Variants in VEGFB observed in about 807,000 individuals in gnomAD.
The protein encoded by VEGFB is VEGF-related factor.
VEGFB carries 24 observed loss-of-function variants against 22.5 expected under a neutral mutation model. The ratio of observed to expected loss-of-function variants is 1.07; its 90% CI spans 0.77 to 1.50. VEGFB has a LOEUF of 1.50. Ranked by LOEUF, VEGFB falls within the 40% of genes most tolerant of loss-of-function variation. The probability of loss-of-function intolerance (pLI) is 0.00; values close to 1 mark genes in which losing one functional copy is unlikely to be tolerated. For missense variants in VEGFB, 327 were observed against 287.8 expected (o/e 1.14, Z -0.99); for synonymous variants, 141 against 117.4 (o/e 1.20, Z -1.30).
At chr11:64,235,081 G>A (rs894616447) in intron 1 of VEGFB, among the ~76,000 whole-genome samples, 188 bp downstream of exon 1, 2 of 152,028 alleles carry the variant, frequency 1.3e-5, no homozygotes, top group Non-Finnish European at 2.9e-5. Context: ...GCCAGCCCCA[G>A]TCTGGGGCCA....
chr11:64,235,016 C>A, intron 1 of VEGFB, 123 bp downstream of exon 1: 3 of 809,362 alleles, frequency 3.7e-6, no homozygotes, highest in Non-Finnish European at 4.9e-6. Context: ...TGGACGCGGG[C>A]GTCTCGGGGG....
rs2030068919 is a variant in VEGFB at position 64,236,825 on chromosome 11, T to G, written c.375-362T>G. ...CGGGGGTAGTGGCTCACACCTATAA[T>G]CCCAGCACTTTGGGAGGCCCAGGCA... On this transcript the variant is annotated intron_variant, in intron 4 of 6. Transcript: ENST00000309422. 1.4e-5 allele frequency among the ~76,000 whole-genome samples: 2 copies of G among 144,332 alleles called. 1 individual carries two copies. Among genetic ancestry groups the G allele is most frequent in the African/African-American group, 5.1e-5 (2 of 39,498 alleles). 94.7% of individuals were successfully genotyped at this position (144,332 alleles called of 152,430 possible).
In VEGFB at chr11:64,238,352, T is replaced by C. The variant is rs1268944110; in HGVS notation, c.*23-4T>C. 6.5e-7 allele frequency: 1 copy of C among 1,536,068 alleles called. No individual in the cohort carries two copies. The highest frequency in any genetic ancestry group is 2.0e-5 in the Admixed American group (1 of 50,998). On this transcript the variant is annotated splice_polypyrimidine_tract_variant and splice_region_variant and intron_variant, in intron 6 of 6. Coordinates refer to ENST00000309422, the MANE Select transcript of VEGFB (RefSeq NM_003377.5). ...CATGAACAGATCACTTCCTCCCTCC[T>C]CAGGTGCCGGAAGCTGCGAAGGTGA...
At chr11:64,236,793 C>G (rs1441050343) in intron 4 of VEGFB, among the ~76,000 whole-genome samples, 1 of 138,482 alleles carries the variant, frequency 7.2e-6, no homozygotes, top group East Asian at 2.2e-4. Context: ...AAGTAGGATG[C>G]TTGGGCCGGG....
intron 1 of VEGFB, among the ~76,000 whole-genome samples, chr11:64,235,104 A>G (rs1290842678): frequency 6.6e-6 from 1 of 151,272 alleles, no homozygotes; most frequent in Admixed American, 6.6e-5. Flanking sequence ...CCTCCGCCCC[A>G]CCCCGTCCCC....
chr11:64,237,936 T>C, intron 6 of VEGFB: 2 of 498,752 alleles, frequency 4.0e-6, no homozygotes, highest in Non-Finnish European at 7.1e-6. Context: ...AGAGATCTCT[T>C]GGAGGAGGTG....
Position 64,238,381 on chromosome 11 carries a change from A to T in VEGFB, c.*48A>T, listed in dbSNP as rs1285891748. 6.5e-7 allele frequency: 1 copy of T among 1,536,036 alleles called. No homozygotes were observed. The highest frequency in any genetic ancestry group is 8.7e-7 in the Non-Finnish European group (1 of 1,146,872). ...GTGCCGGAAGCTGCGAAGGTGACAC[A>T]TGGCTTTTCAGACTCAGCAGGGTGA... On this transcript the variant is annotated 3_prime_UTR_variant, in exon 7 of 7. Coordinates refer to ENST00000309422, the MANE Select transcript of VEGFB (RefSeq NM_003377.5).
At chr11:64,235,562 C>A in intron 2 of VEGFB, 62 bp downstream of exon 2, 1 of 1,526,148 alleles carries the variant, frequency 6.6e-7, no homozygotes, top group South Asian at 1.1e-5. Flanking sequence ...GGCCCTGATT[C>A]CAGGTGTCCA....
intron 1 of VEGFB, among the ~76,000 whole-genome samples, 167 bp downstream of exon 1, chr11:64,235,060 C>G (rs1049377078): frequency 6.6e-6 from 1 of 151,774 alleles, no homozygotes; most frequent in Admixed American, 6.5e-5. Flanking sequence ...GGTGCCCCTC[C>G]CCGCTGGCCC....
Position 64,235,803 on chromosome 11 carries a change from C to A in VEGFB, c.104-10C>A, listed in dbSNP as rs775668259. 2.5e-5 allele frequency: 41 copies of A among 1,613,652 alleles called. No homozygotes were observed. Among genetic ancestry groups the A allele is most frequent in the Non-Finnish European group, 2.2e-5 (26 of 1,179,974 alleles). ...CAGTGAGGACTTAACCCCTACCGGTCTGCTCCCAGTGGTGTCATGGATAGA... is the reference window on the plus strand; with the variant it reads ...CAGTGAGGACTTAACCCCTACCGGTATGCTCCCAGTGGTGTCATGGATAGA... On this transcript the variant is annotated splice_polypyrimidine_tract_variant and intron_variant, in intron 2 of 6. Coordinates refer to ENST00000309422, the MANE Select transcript of VEGFB (RefSeq NM_003377.5).
chr11:64,238,228 C>T, intron 6 of VEGFB, 128 bp from the exon 7 acceptor site: 1 of 1,196,674 alleles, frequency 8.4e-7, no homozygotes, highest in South Asian at 1.4e-5. Flanking sequence ...CTGCAGCCTC[C>T]AGTGCCCAGG....
rs1390086012 is a variant in VEGFB, at chr11:64,236,259, C to G, written c.306C>G (p.Leu102=). ...TGTTCTTCTCCTGAGCACAGATCCT[C>G]ATGATCCGGTACCCGAGCAGTCAGC... ...TGQHQVRMQI[L]MIRYPSSQLG... The change falls in exon 4 of 7, where the codon CTC becomes CTG. Residue 102 remains leucine (L), a synonymous_variant. Coordinates refer to ENST00000309422, the MANE Select transcript of VEGFB (RefSeq NM_003377.5). 5 of 1,613,844 alleles carry G rather than the reference C, an allele frequency of 3.1e-6. No individual in the cohort carries two copies. In the African/African-American group the frequency reaches 6.7e-5, roughly 22 times the overall value.
In VEGFB at chr11:64,234,868, C is replaced by A; in HGVS notation, c.35C>A (p.Ala12Glu). The A allele has an allele frequency of 7.7e-7, 1 of 1,300,920 alleles. No homozygotes were observed. Among genetic ancestry groups the A allele is most frequent in the Non-Finnish European group, 9.8e-7 (1 of 1,021,366 alleles). 80.6% of individuals were successfully genotyped at this position (1,300,920 alleles called of 1,614,324 possible). A position where few individuals can be genotyped will look rare whatever the true frequency, so the allele number is the denominator to read the frequency against. The change falls in exon 1 of 7, where the codon GCA becomes GAA. Residue 12 changes from alanine to glutamate, a missense_variant. Transcript: ENST00000309422. The surrounding 1 kb of genome is among the most constrained non-coding windows in gnomAD (Gnocchi z 5.3). ...CTGCTCCGCCGCCTGCTGCTCGCCG[C>A]ACTCCTGCAGCTGGCCCCCGCCCAG... ...SPLLRRLLLA[A>E]LLQLAPAQAP... is the part of the protein sequence containing the mutation.
chr11:64,238,754 G>T lies in VEGFB; in HGVS notation c.*421G>T, dbSNP rs1387455170. ...GGATTTGGGCTTTGGTACAAGAACT[G>T]TGACCCCCAACCCTGATAAAAGAGA... is the stretch of plus-strand genomic sequence containing the variant. On this transcript the variant is annotated 3_prime_UTR_variant, in exon 7 of 7. Coordinates refer to ENST00000309422, the MANE Select transcript of VEGFB (RefSeq NM_003377.5). 3.5e-6 allele frequency: 1 copy of T among 286,936 alleles called. No homozygotes were observed. Among genetic ancestry groups the T allele is most frequent in the African/African-American group, 2.2e-5 (1 of 46,434 alleles). 17.8% of individuals were successfully genotyped at this position (286,936 alleles called of 1,614,324 possible). A position where few individuals can be genotyped will look rare whatever the true frequency, so the allele number is the denominator to read the frequency against.
chr11:64,236,690 C>T (rs2030053633), intron 4 of VEGFB, among the ~76,000 whole-genome samples: 1 of 125,464 alleles, frequency 8.0e-6, no homozygotes, highest in South Asian at 2.5e-4. Context: ...GCATTCCAGC[C>T]TGGGCGACAG....
In VEGFB at chr11:64,234,948, G is replaced by A; in HGVS notation, c.60+55G>A. The A allele has an allele frequency of 8.0e-7, 1 of 1,256,574 alleles. No homozygotes were observed. The highest frequency in any genetic ancestry group is 1.0e-6 in the Non-Finnish European group (1 of 995,606). The allele number at this position is 1,256,574 out of a possible 1,614,324, so 77.8% of individuals were successfully genotyped here. A position where few individuals can be genotyped will look rare whatever the true frequency, so the allele number is the denominator to read the frequency against. ...GCCCGCCGTGCCCTCTCTCAAGGTTGGCGGAAGTGAGGAGGCGACCCGCGG... is the reference window on the plus strand; with the variant it reads ...GCCCGCCGTGCCCTCTCTCAAGGTTAGCGGAAGTGAGGAGGCGACCCGCGG... On this transcript the variant is annotated intron_variant, in intron 1 of 6. Coordinates refer to ENST00000309422, the MANE Select transcript of VEGFB (RefSeq NM_003377.5). The surrounding 1 kb of genome is among the most constrained non-coding windows in gnomAD (Gnocchi z 5.3).
At chr11:64,236,565 A>G (rs941218646) in intron 4 of VEGFB, among the ~76,000 whole-genome samples, 6 of 151,352 alleles carry the variant, frequency 4.0e-5, no homozygotes, top group African/African-American at 1.5e-4. Flanking sequence ...AAAATACAAA[A>G]AATTAGCCGG....
At chr11:64,237,311 C>T (rs942238027) in intron 5 of VEGFB, 89 bp downstream of exon 5, 3 of 1,511,058 alleles carry the variant, frequency 2.0e-6, no homozygotes, top group African/African-American at 1.4e-5. Context: ...CCCACCCGTC[C>T]CCCACTTTCC....
chr11:64,237,893 G>T (rs1026330929), intron 6 of VEGFB: 2 of 522,866 alleles, frequency 3.8e-6, no homozygotes, highest in East Asian at 6.0e-5. Context: ...AAGGGCTGTG[G>T]TGAGGGGTAC....
Sources: gnomAD v4.1 joint callset for allele counts (sites outside exome capture counted in the v4.1 genomes callset) on GRCh38, gnomAD v4.1.1 for gene constraint, Gnocchi (gnomAD v3.1) non-coding constraint, MANE v1.5 for transcripts, NCBI Gene and HGNC (gene_info 2026-07-23, HGNC 2026-07-21) for gene names.